The following SPRY3 variants were observed in gnomAD, a reference collection of about 807,000 sequenced individuals.
The protein encoded by SPRY3 is protein sprouty homolog 3.
In SPRY3, 15 loss-of-function variants were observed where a neutral mutation model predicts 20.2. That is an observed-to-expected ratio of 0.74 (90% confidence interval 0.50 to 1.14). SPRY3 has a LOEUF of 1.14. Among genes scored for constraint, SPRY3 ranks in the 50% most tolerant of loss-of-function variants. The pLI, the probability that SPRY3 is intolerant of heterozygous loss-of-function variation, is 0.00. For missense variants in SPRY3, 364 were observed against 363.9 expected, an observed-to-expected ratio of 1.00 and a Z score of 0.00; for synonymous variants, 143 against 136.5, an observed-to-expected ratio of 1.05 and a Z score of -0.33.
rs781866822 is a variant in SPRY3, at chrX:155,666,622, T to C, written c.-282+9597T>C. Among the ~76,000 whole-genome samples, 4 of 111,846 alleles carry C rather than the reference T, an allele frequency of 3.6e-5. No individual in the cohort carries two copies. In the East Asian group the frequency reaches 1.1e-3, roughly 31 times the overall value. On this transcript the variant is annotated intron_variant, in intron 2 of 3. Transcript: ENST00000675360. ...AGGTTTCCGACTTGAGAGTTGATCA[T>C]TGATCTATATTGCTAACAATGGTAA...
intron 2 of SPRY3, among the ~76,000 whole-genome samples, chrX:155,765,649 G>C (rs1228878530): frequency 6.6e-6 from 1 of 152,102 alleles, no homozygotes; most frequent in African/African-American, 2.4e-5. Flanking sequence ...CATCCTAAGA[G>C]GTAAGAAGGC....
intron 2 of SPRY3, among the ~76,000 whole-genome samples, chrX:155,738,549 C>A (rs761680628): frequency 6.6e-6 from 1 of 152,234 alleles, no homozygotes; most frequent in African/African-American, 2.4e-5. Context: ...ACTGACTAGG[C>A]AGATGGCTCG....
At chrX:155,669,333 A>T (rs1277121612) in intron 2 of SPRY3, among the ~76,000 whole-genome samples, 1 of 111,222 alleles carries the variant, frequency 9.0e-6, no homozygotes, top group Non-Finnish European at 1.9e-5. Flanking sequence ...CACCTTACTA[A>T]TTCTCTTATT....
chrX:155,745,407 A>T (rs2091221076), intron 2 of SPRY3, among the ~76,000 whole-genome samples: 1 of 152,106 alleles, frequency 6.6e-6, no homozygotes, highest in African/African-American at 2.4e-5. Flanking sequence ...ATTGAGAGCT[A>T]CTGACAACTT....
At chrX:155,712,664 T>C (rs1211779189) in intron 2 of SPRY3, among the ~76,000 whole-genome samples, 1 of 152,014 alleles carries the variant, frequency 6.6e-6, no homozygotes, top group East Asian at 1.9e-4. Flanking sequence ...TTGGAGAGTT[T>C]AGTCTATTTA....
chrX:155,750,071 A>G (rs1220469095), intron 2 of SPRY3, among the ~76,000 whole-genome samples: 1 of 151,906 alleles, frequency 6.6e-6, no homozygotes, highest in Non-Finnish European at 1.5e-5. Context: ...ACCAGAATAC[A>G]TATACACCAT....
intron 2 of SPRY3, among the ~76,000 whole-genome samples, chrX:155,704,536 A>G (rs1035000989): frequency 3.3e-5 from 5 of 151,776 alleles, no homozygotes; most frequent in African/African-American, 1.2e-4. Flanking sequence ...GACAATATCA[A>G]ATGTTCTAAC....
At chrX:155,705,640 T>C (rs1166240252) in intron 2 of SPRY3, among the ~76,000 whole-genome samples, 4 of 151,322 alleles carry the variant, frequency 2.6e-5, no homozygotes, top group African/African-American at 9.7e-5. Flanking sequence ...TGTAAAGGTA[T>C]AGATATGTTG....
At chrX:155,730,329 T>C (rs1307155525) in intron 2 of SPRY3, among the ~76,000 whole-genome samples, 1 of 152,088 alleles carries the variant, frequency 6.6e-6, no homozygotes. Flanking sequence ...ATTGAGAAGA[T>C]CATTCATCAT....
intron 3 of SPRY3, 132 bp from the exon 3 acceptor site, chrX:155,773,634 A>C (rs2091398091): frequency 5.2e-6 from 3 of 571,740 alleles, no homozygotes; most frequent in Non-Finnish European, 9.2e-6. Flanking sequence ...TTACAGAATA[A>C]AGGTGTAGCA....
chrX:155,618,835 A>G (rs1488232842), intron 1 of SPRY3, among the ~76,000 whole-genome samples: 1 of 111,871 alleles, frequency 8.9e-6, no homozygotes, highest in African/African-American at 3.2e-5. Flanking sequence ...TTCTATCTGT[A>G]TATAATCTTT....
At chrX:155,708,937 C>A (rs2090969275) in intron 2 of SPRY3, among the ~76,000 whole-genome samples, 1 of 151,236 alleles carries the variant, frequency 6.6e-6, no homozygotes, top group African/African-American at 2.4e-5. Context: ...CTTCTATACT[C>A]TATCTCCATT....
intron 3 of SPRY3, among the ~76,000 whole-genome samples, chrX:155,768,504 G>C (rs2091360686): frequency 6.6e-6 from 1 of 151,746 alleles, no homozygotes; most frequent in Admixed American, 6.6e-5. Context: ...GAGAGAGCCC[G>C]TGCTAAGGCC....
intron 2 of SPRY3, among the ~76,000 whole-genome samples, chrX:155,705,031 G>A (rs2090940495): frequency 6.6e-6 from 1 of 151,468 alleles, no homozygotes; most frequent in Admixed American, 6.6e-5. Flanking sequence ...GGCAGAAAGA[G>A]TATCATATCA....
chrX:155,765,888 T>C lies in SPRY3; in HGVS notation c.-281-2074T>C, dbSNP rs370000470. On this transcript the variant is annotated intron_variant, in intron 2 of 3. Transcript: ENST00000675360. ...GGGTGCTTGCTATATGCCAGAGAGG[T>C]TAATTGAATTGCCTCAAGGGAGGTA... Among the ~76,000 whole-genome samples the C allele has an allele frequency of 3.3e-5, 5 of 152,338 alleles. 1 individual carries two copies. Among genetic ancestry groups the C allele is most frequent in the African/African-American group, 1.2e-4 (5 of 41,588 alleles).
chrX:155,732,618 T>G (rs1384866760), intron 2 of SPRY3, among the ~76,000 whole-genome samples: 1 of 151,892 alleles, frequency 6.6e-6, no homozygotes, highest in Non-Finnish European at 1.5e-5. Context: ...AAAAATATAG[T>G]TACCATATGA....
At chrX:155,651,385 G>C (rs113470339) in intron 1 of SPRY3, among the ~76,000 whole-genome samples, 2 of 111,635 alleles carry the variant, frequency 1.8e-5, no homozygotes, top group African/African-American at 6.5e-5. Flanking sequence ...TAGACATTCT[G>C]GTAGGTTTAT....
downstream of SPRY3, chrX:155,781,464 T>C (rs1345556303): frequency 1.2e-5 from 2 of 167,020 alleles, no homozygotes; most frequent in Non-Finnish European, 2.9e-5. Flanking sequence ...ATTCCATAAA[T>C]GCAGATAGTG....
intron 2 of SPRY3, among the ~76,000 whole-genome samples, chrX:155,671,835 CAAGG>C (rs1418600838): frequency 1.8e-5 from 2 of 111,242 alleles, no homozygotes; most frequent in Admixed American, 9.6e-5. Context: ...AAGGTATAAG[CAAGG>C]GATCCAGTTT....
Sources: allele counts gnomAD v4.1 joint callset (sites outside exome capture counted in the v4.1 genomes callset), GRCh38; gene constraint gnomAD v4.1.1; transcripts MANE v1.5; gene names NCBI Gene and HGNC (gene_info 2026-07-23, HGNC 2026-07-21).